OR6N1: variants seen among roughly 807,000 people sequenced by gnomAD.
OR6N1 encodes the protein olfactory receptor 6N1.
For synonymous variants in OR6N1, 170 were observed against 150.7 expected (o/e 1.13, Z -0.94); for missense variants, 394 against 371.7 (o/e 1.06, Z -0.49).
chr1:158,836,221 T>C, the OR6N1 span, among the ~76,000 whole-genome samples: 1,191 of 152,160 alleles, frequency 7.8e-3, 16 homozygotes, highest in African/African-American at 0.027. Context: ...TGGCTTTGCA[T>C]TGGAGTAATG....
the OR6N1 span, among the ~76,000 whole-genome samples, chr1:158,836,804 C>T: frequency 5.3e-5 from 8 of 151,270 alleles, no homozygotes; most frequent in Non-Finnish European, 3.0e-5. Context: ...GGTGTAAAGT[C>T]AGATTATTGA....
chr1:158,787,628 C>A, the OR6N1 span, among the ~76,000 whole-genome samples: 1 of 135,840 alleles, frequency 7.4e-6, no homozygotes, highest in African/African-American at 3.2e-5. Context: ...CTATCTCTCT[C>A]TCTCTCTCAC....
At chr1:158,824,305 C>T in the OR6N1 span, among the ~76,000 whole-genome samples, 2 of 152,138 alleles carry the variant, frequency 1.3e-5, no homozygotes, top group African/African-American at 2.4e-5. Context: ...ACTTGCTCCT[C>T]CTAGCCTTCC....
the OR6N1 span, among the ~76,000 whole-genome samples, chr1:158,829,049 C>T: frequency 1.6e-4 from 25 of 152,232 alleles, 1 homozygote; most frequent in Non-Finnish European, 5.9e-5. Flanking sequence ...GCACACAGCA[C>T]AGGGACCCTG....
the OR6N1 span, among the ~76,000 whole-genome samples, chr1:158,817,656 A>C: frequency 6.6e-6 from 1 of 152,168 alleles, no homozygotes; most frequent in Admixed American, 6.5e-5. Context: ...AGGAAGAGAG[A>C]ACACCCATGG....
At chr1:158,778,114 T>A in the OR6N1 span, among the ~76,000 whole-genome samples, 1 of 152,224 alleles carries the variant, frequency 6.6e-6, no homozygotes, top group Non-Finnish European at 1.5e-5. Flanking sequence ...ATTTTGGGTA[T>A]GAGATTAATG....
chr1:158,795,810 G>A, the OR6N1 span, among the ~76,000 whole-genome samples: 1 of 152,162 alleles, frequency 6.6e-6, no homozygotes, highest in East Asian at 1.9e-4. Flanking sequence ...TGGAGACTCA[G>A]TTTTCTGTCT....
the OR6N1 span, among the ~76,000 whole-genome samples, chr1:158,832,482 G>C: frequency 6.6e-6 from 1 of 151,312 alleles, no homozygotes; most frequent in Non-Finnish European, 1.5e-5. Context: ...TAGTTCTTTT[G>C]ATTTCTACCA....
At chr1:158,810,435 A>T in the OR6N1 span, among the ~76,000 whole-genome samples, 4 of 152,206 alleles carry the variant, frequency 2.6e-5, no homozygotes, top group African/African-American at 9.6e-5. Context: ...TCCTTGCTAC[A>T]TGTTCCCTGG....
upstream of OR6N1, chr1:158,777,042 C>T (rs758175837): frequency 5.8e-5 from 93 of 1,613,904 alleles, 3 homozygotes; most frequent in Admixed American, 1.5e-3. Context: ...TGGCAAAGTC[C>T]ACCAGAATGT....
At chr1:158,814,623 G>C in the OR6N1 span, among the ~76,000 whole-genome samples, 1 of 152,174 alleles carries the variant, frequency 6.6e-6, no homozygotes. Context: ...ACATGTGGTA[G>C]AAGGGGAGAG....
At chr1:158,835,526 A>T in the OR6N1 span, among the ~76,000 whole-genome samples, 1 of 149,748 alleles carries the variant, frequency 6.7e-6, no homozygotes, top group Admixed American at 6.8e-5. Context: ...TTCCACATAT[A>T]AGATCATATC....
chr1:158,776,630 A>C, upstream of OR6N1: 2 of 1,074,890 alleles, frequency 1.9e-6, no homozygotes, highest in Non-Finnish European at 2.7e-6. Context: ...AAGATTACTC[A>C]AGGAACTTTT....
chr1:158,796,141 C>T, the OR6N1 span: 1 of 152,294 alleles, frequency 6.6e-6, no homozygotes, highest in African/African-American at 2.4e-5. Context: ...TAAAACCCAT[C>T]ATCTCCAGCC....
At chr1:158,805,408 T>G in the OR6N1 span, among the ~76,000 whole-genome samples, 3 of 152,308 alleles carry the variant, frequency 2.0e-5, no homozygotes, top group Admixed American at 2.0e-4. Context: ...ACTTTTATTT[T>G]CATATCATAG....
rs1657216284 is a variant in OR6N1 at position 158,765,260 on chromosome 1, G to T, written c.*484C>A. The T allele has an allele frequency of 6.6e-6, 1 of 152,198 alleles. No homozygotes were observed. Among genetic ancestry groups the T allele is most frequent in the Admixed American group, 6.5e-5 (1 of 15,280 alleles). The allele number at this position is 152,198 out of a possible 1,614,324, so 9.4% of individuals were successfully genotyped here. A position where few individuals can be genotyped will look rare whatever the true frequency, so the allele number is the denominator to read the frequency against. ...ATTAGCAAGTGACTGAATAAAACAT[G>T]ATTTAAATCCAGATATATATGAGTT... On this transcript the variant is annotated 3_prime_UTR_variant, in exon 2 of 2. Transcript: ENST00000641846.
the OR6N1 span, among the ~76,000 whole-genome samples, chr1:158,798,389 C>G: frequency 6.6e-6 from 1 of 151,446 alleles, no homozygotes; most frequent in Non-Finnish European, 1.5e-5. Flanking sequence ...TTCTAAAAAG[C>G]ACTTTTTCCC....
chr1:158,805,346 C>G, the OR6N1 span, among the ~76,000 whole-genome samples: 130 of 152,298 alleles, frequency 8.5e-4, 1 homozygote, highest in Non-Finnish European at 1.4e-3. Context: ...AAAAGTTGGA[C>G]CTCACCTTGG....
At chr1:158,811,080 T>G in the OR6N1 span, among the ~76,000 whole-genome samples, 1 of 152,222 alleles carries the variant, frequency 6.6e-6, no homozygotes, top group African/African-American at 2.4e-5. Context: ...TTCTCCTCTA[T>G]GTGTCCATGT....
Sources: gnomAD v4.1 joint callset for allele counts (sites outside exome capture counted in the v4.1 genomes callset) on GRCh38, gnomAD v4.1.1 for gene constraint, MANE v1.5 for transcripts, NCBI Gene and HGNC (gene_info 2026-07-23, HGNC 2026-07-21) for gene names.